SORCS1: variants seen among roughly 807,000 people sequenced by gnomAD.
The protein encoded by SORCS1 is sortilin related VPS10 domain containing receptor 1.
In SORCS1, 60 loss-of-function variants were observed where a neutral mutation model predicts 146.1. The observed-to-expected ratio is 0.41, with a 90% confidence interval of 0.33 to 0.51. SORCS1 has a LOEUF of 0.51. Among genes scored for constraint, SORCS1 ranks in the 20% least tolerant of loss-of-function variants. The pLI, the probability that SORCS1 is intolerant of heterozygous loss-of-function variation, is 0.21. For synonymous variants in SORCS1, 637 were observed against 584.0 expected (o/e 1.09, Z -1.31); for missense variants, 1,352 against 1,487.6 (o/e 0.91, Z 1.50).
intron 4 of SORCS1, among the ~76,000 whole-genome samples, chr10:106,762,207 C>T (rs1200769397): frequency 2.6e-5 from 4 of 151,802 alleles, no homozygotes; most frequent in Non-Finnish European, 5.9e-5. Flanking sequence ...TTCAAATGGA[C>T]AAAAATAGCA....
chr10:106,881,382 C>T (rs11193090), intron 2 of SORCS1, among the ~76,000 whole-genome samples: 1 of 151,998 alleles, frequency 6.6e-6, no homozygotes, highest in South Asian at 2.1e-4. Context: ...TAATAAATAC[C>T]TATTCTTTTG....
At chr10:106,599,832 C>A (rs7097115) in intron 23 of SORCS1, among the ~76,000 whole-genome samples, 1 of 151,342 alleles carries the variant, frequency 6.6e-6, no homozygotes, top group Non-Finnish European at 1.5e-5. Flanking sequence ...AGTGCAATGG[C>A]GCGATCTCGG....
chr10:107,040,538 T>C (rs541855018), intron 1 of SORCS1, among the ~76,000 whole-genome samples: 2 of 152,324 alleles, frequency 1.3e-5, no homozygotes, highest in South Asian at 4.1e-4. Context: ...CTAACTTTAG[T>C]ATGTAAAGCC....
chr10:107,042,861 C>T (rs988130587), intron 1 of SORCS1, among the ~76,000 whole-genome samples: 8 of 152,112 alleles, frequency 5.3e-5, no homozygotes, highest in East Asian at 3.9e-4. Context: ...CCACCTGCCT[C>T]GGCCTCCCAA....
Position 106,844,960 on chromosome 10 carries a change from T to A in SORCS1, c.627-15287A>T, listed in dbSNP as rs976852312. On this transcript the variant is annotated intron_variant, in intron 2 of 25. Coordinates refer to ENST00000263054, the MANE Select transcript of SORCS1 (RefSeq NM_052918.5). Reference sequence around the variant, plus strand: ...TATTCCATGGTGTATATTTGCCACATTTTCTTAATCCAGTCTATCATTGTT... The same window carrying A: ...TATTCCATGGTGTATATTTGCCACAATTTCTTAATCCAGTCTATCATTGTT... Among the ~76,000 whole-genome samples, 4 of 147,646 alleles carry A rather than the reference T, an allele frequency of 2.7e-5. No individual in the cohort carries two copies. In the East Asian group the frequency reaches 8.2e-4, roughly 30 times the overall value.
intron 2 of SORCS1, among the ~76,000 whole-genome samples, chr10:106,907,436 GA>G (rs11366220): frequency 0.018 from 2,694 of 151,822 alleles, 78 homozygotes; most frequent in East Asian, 0.1. Context: ...CATACATACA[GA>G]AAAAAAGGAA....
At chr10:106,651,991 A>G (rs561243115) in intron 18 of SORCS1, among the ~76,000 whole-genome samples, 15 of 152,350 alleles carry the variant, frequency 9.8e-5, no homozygotes, top group African/African-American at 3.6e-4. Context: ...AAAACCCTGC[A>G]GGCTGAGAGG....
At chr10:107,178,440 T>C in the SORCS1 span, among the ~76,000 whole-genome samples, 1 of 151,814 alleles carries the variant, frequency 6.6e-6, no homozygotes, top group East Asian at 1.9e-4. Context: ...TCCAGTTCCA[T>C]TTATGTTGCT....
intron 21 of SORCS1, among the ~76,000 whole-genome samples, chr10:106,612,419 C>T (rs117493133): frequency 6.3e-5 from 9 of 142,092 alleles, no homozygotes; most frequent in South Asian, 5.0e-4. Context: ...GCAGCGTGAC[C>T]GATACCATCC....
At chr10:106,863,012 A>T (rs78238234) in intron 2 of SORCS1, among the ~76,000 whole-genome samples, 2,602 of 152,272 alleles carry the variant, frequency 0.017, 90 homozygotes, top group East Asian at 0.13. Flanking sequence ...TATCCATTTT[A>T]GAATTAGCTA....
At chr10:106,968,265 T>C (rs1396548425) in intron 1 of SORCS1, among the ~76,000 whole-genome samples, 1 of 152,072 alleles carries the variant, frequency 6.6e-6, no homozygotes, top group Non-Finnish European at 1.5e-5. Context: ...CCAGGTTTTG[T>C]AGGAGCGAGA....
chr10:106,706,429 G>A, intron 8 of SORCS1, 116 bp downstream of exon 8: 3 of 965,376 alleles, frequency 3.1e-6, no homozygotes, highest in Non-Finnish European at 4.8e-6. Flanking sequence ...ACAGAGATGA[G>A]AGATGTAAAG....
intron 9 of SORCS1, among the ~76,000 whole-genome samples, chr10:106,693,877 T>C (rs1589677604): frequency 6.6e-6 from 1 of 152,338 alleles, no homozygotes; most frequent in East Asian, 1.9e-4. Context: ...AAGACTCCTG[T>C]GCAAGAGTTT....
intron 23 of SORCS1, chr10:106,600,307 T>C: frequency 1.0e-6 from 1 of 965,438 alleles, no homozygotes; most frequent in Non-Finnish European, 1.2e-6. Context: ...AGAAGGAAAT[T>C]TAAATTTAAA....
chr10:106,885,003 C>T (rs1950941270), intron 2 of SORCS1, among the ~76,000 whole-genome samples: 1 of 152,148 alleles, frequency 6.6e-6, no homozygotes, highest in African/African-American at 2.4e-5. Flanking sequence ...TAGAAATTAA[C>T]ATGTAATCAT....
intron 2 of SORCS1, among the ~76,000 whole-genome samples, chr10:106,956,038 G>A (rs1189390268): frequency 6.6e-6 from 1 of 152,022 alleles, no homozygotes; most frequent in Non-Finnish European, 1.5e-5. Context: ...GCTGAGGCAG[G>A]AGAATGGCTT....
intron 2 of SORCS1, among the ~76,000 whole-genome samples, chr10:106,851,731 C>G (rs1007089683): frequency 6.6e-6 from 1 of 152,168 alleles, no homozygotes; most frequent in African/African-American, 2.4e-5. Flanking sequence ...TGTCAACATC[C>G]ACAAAATAAC....
chr10:106,585,649 G>T (rs1354405025), intron 24 of SORCS1, among the ~76,000 whole-genome samples: 1 of 152,196 alleles, frequency 6.6e-6, no homozygotes, highest in African/African-American at 2.4e-5. Flanking sequence ...CACCTAAAAG[G>T]CAAGAGGTAA....
At chr10:106,787,083 C>T (rs1448606474) in intron 3 of SORCS1, among the ~76,000 whole-genome samples, 2 of 152,118 alleles carry the variant, frequency 1.3e-5, no homozygotes, top group Non-Finnish European at 2.9e-5. Context: ...AGTTCAATGT[C>T]CATTAAAGTG....
Sources: gnomAD v4.1 joint callset for allele counts (sites outside exome capture counted in the v4.1 genomes callset) on GRCh38, gnomAD v4.1.1 for gene constraint, MANE v1.5 for transcripts, NCBI Gene and HGNC (gene_info 2026-07-23, HGNC 2026-07-21) for gene names.